Variants in IQANK1 observed in about 807,000 individuals in gnomAD.
The protein encoded by IQANK1 is IQ motif and ankyrin repeat domain-containing protein 1.
In IQANK1, 30 loss-of-function variants were observed where a neutral mutation model predicts 22.6. The ratio of observed to expected loss-of-function variants is 1.33; its 90% CI spans 0.99 to 1.80. The LOEUF is 1.80. Ranked by LOEUF, IQANK1 falls within the 40% of genes most tolerant of loss-of-function variation. IQANK1 has a pLI of 0.00. For missense variants in IQANK1, 275 were observed against 235.2 expected, an observed-to-expected ratio of 1.17 and a Z score of -1.11; for synonymous variants, 122 against 99.6, an observed-to-expected ratio of 1.23 and a Z score of -1.34.
At chr8:143,766,361 C>A (rs1363279008) in intron 3 of IQANK1, among the ~76,000 whole-genome samples, 1 of 152,098 alleles carries the variant, frequency 6.6e-6, no homozygotes, top group Non-Finnish European at 1.5e-5. Context: ...TCAATGGTGT[C>A]TTCTCGTGAA....
chr8:143,778,736 G>A (rs1299995910), intron 7 of IQANK1, among the ~76,000 whole-genome samples: 3 of 152,060 alleles, frequency 2.0e-5, no homozygotes, highest in Admixed American at 6.6e-5. Context: ...TTGCGCTTTC[G>A]CCAATTCATA....
intron 3 of IQANK1, among the ~76,000 whole-genome samples, chr8:143,764,884 A>AAT (rs1554629113): frequency 6.6e-6 from 1 of 152,172 alleles, no homozygotes; most frequent in East Asian, 1.9e-4. Flanking sequence ...GAACATATGT[A>AAT]ATATATATGT....
intron 3 of IQANK1, chr8:143,742,361 G>C (rs782041013): frequency 7.0e-5 from 32 of 455,684 alleles, no homozygotes; most frequent in Non-Finnish European, 1.2e-4. Flanking sequence ...TACAGCATGC[G>C]GGGGAGGTCA....
At chr8:143,770,660 C>T (rs1303895973) in intron 3 of IQANK1, among the ~76,000 whole-genome samples, 1 of 152,262 alleles carries the variant, frequency 6.6e-6, no homozygotes, top group Non-Finnish European at 1.5e-5. Context: ...CTGGCCTGCG[C>T]TCCCGTGGCT....
At chr8:143,752,998 T>A (rs1563771960) in intron 3 of IQANK1, among the ~76,000 whole-genome samples, 4 of 90,832 alleles carry the variant, frequency 4.4e-5, no homozygotes, top group African/African-American at 1.5e-4. Flanking sequence ...CTCTGTTCGT[T>A]TTTTTTTTTT....
chr8:143,774,652 A>AT lies in IQANK1; in HGVS notation c.789+2173dup, dbSNP rs1377563897. ...GTAACACAGCATCAGACTCCTAGAC[A>AT]TTTGCTCCAGTAAAAGGAAAACTAG... On this transcript the variant is annotated intron_variant, in intron 7 of 13. Coordinates refer to ENST00000527139, the MANE Select transcript of IQANK1 (RefSeq NM_001381874.1). The surrounding 1 kb of genome is among the most constrained non-coding windows in gnomAD (Gnocchi z 4.2). 7.2e-5 allele frequency among the ~76,000 whole-genome samples: 11 copies of AT among 152,114 alleles called. No individual in the cohort carries two copies. Among genetic ancestry groups the AT allele is most frequent in the Admixed American group, 5.9e-4 (9 of 15,268 alleles).
rs1819330077 is a variant in IQANK1, at chr8:143,758,357, G to A, written c.176-13131G>A. On this transcript the variant is annotated intron_variant, in intron 3 of 13. Transcript: ENST00000527139. This position sits in a 1 kb window ranked among gnomAD's most constrained non-coding sequence, Gnocchi z 4.2. ...CACATGCCTGTAGTCCTAGCTACTC[G>A]AAGGCTGACGCAGGAGAATCGCTTG... is the stretch of plus-strand genomic sequence containing the variant. The A allele has an allele frequency of 6.6e-6, 1 of 152,198 alleles. No homozygotes were observed. The highest frequency in any genetic ancestry group is 2.4e-5 in the African/African-American group (1 of 41,380). The allele number at this position is 152,198 out of a possible 1,614,324, so 9.4% of individuals were successfully genotyped here. A position where few individuals can be genotyped will look rare whatever the true frequency, so the allele number is the denominator to read the frequency against.
Position 143,782,768 on chromosome 8 carries a change from G to T in IQANK1, c.790-6147G>T, listed in dbSNP as rs182553818. Among the ~76,000 whole-genome samples, 28 of 152,340 alleles carry T rather than the reference G, an allele frequency of 1.8e-4. No homozygotes were observed. In the East Asian group the frequency reaches 5.2e-3, roughly 28 times the overall value. On this transcript the variant is annotated intron_variant, in intron 7 of 13. Transcript: ENST00000527139. Reference sequence around the variant, plus strand: ...TGGGATTACAGATATGAGCCACCGTGCCTGGCCTCTTGCTTTTCTTTATTC... The same window carrying T: ...TGGGATTACAGATATGAGCCACCGTTCCTGGCCTCTTGCTTTTCTTTATTC...
At chr8:143,788,102 G>A (rs1301433112) in intron 7 of IQANK1, among the ~76,000 whole-genome samples, 1 of 152,174 alleles carries the variant, frequency 6.6e-6, no homozygotes, top group African/African-American at 2.4e-5. Flanking sequence ...CTGTCATCCA[G>A]CTATTAGGGA....
chr8:143,736,545 C>T (rs1218217664), intron 2 of IQANK1, among the ~76,000 whole-genome samples: 1 of 152,056 alleles, frequency 6.6e-6, no homozygotes, highest in Non-Finnish European at 1.5e-5. Flanking sequence ...GGGCAGGAGC[C>T]AGTGGGAGGC....
At chr8:143,741,857 T>A in intron 3 of IQANK1, 1 of 159,290 alleles carries the variant, frequency 6.3e-6, no homozygotes, top group Non-Finnish European at 1.4e-5. Context: ...CTTATTGGCC[T>A]GCAGCCCTGC....
Position 143,790,161 on chromosome 8 carries a change from G to A in IQANK1, c.1314G>A (p.Leu438=). 8.1e-7 allele frequency: 1 copy of A among 1,232,078 alleles called. No individual in the cohort carries two copies. Among genetic ancestry groups the A allele is most frequent in the Non-Finnish European group, 1.0e-6 (1 of 988,002 alleles). The allele number at this position is 1,232,078 out of a possible 1,614,324, so 76.3% of individuals were successfully genotyped here. A position where few individuals can be genotyped will look rare whatever the true frequency, so the allele number is the denominator to read the frequency against. Residue 438 remains leucine (L), a synonymous_variant, in exon 13 of 14, where the codon TTG becomes TTA. Transcript: ENST00000527139. ...GGTGGCCTCTTGTTATTGACCCTTT[G>A]GGCCAGGCGGCCACCTTCCTGCGCT... ...DGRWPLVIDP[L]GQAATFLRYQ... is the part of the protein sequence containing the mutation.
chr8:143,735,682 C>T lies in IQANK1; in HGVS notation c.-4-168C>T, dbSNP rs922711023. 1.4e-4 allele frequency among the ~76,000 whole-genome samples: 22 copies of T among 152,084 alleles called. No individual in the cohort carries two copies. The highest frequency in any genetic ancestry group is 5.3e-4 in the African/African-American group (22 of 41,472). On this transcript the variant is annotated intron_variant, in intron 1 of 13. Coordinates refer to ENST00000527139, the MANE Select transcript of IQANK1 (RefSeq NM_001381874.1). The surrounding 1 kb of genome is among the most constrained non-coding windows in gnomAD (Gnocchi z 5.2). ...CGGCTCAAGCTTCTGGGCACACACC[C>T]GGGGCGGGCAGGCAGACAGGACACC...
chr8:143,768,590 C>T (rs990662346), intron 3 of IQANK1, among the ~76,000 whole-genome samples: 10 of 151,964 alleles, frequency 6.6e-5, no homozygotes, highest in Admixed American at 4.6e-4. Flanking sequence ...CCTGCCCCCT[C>T]CTACACCCAT....
At chr8:143,760,930 G>A (rs565432901) in intron 3 of IQANK1, among the ~76,000 whole-genome samples, 88 of 152,278 alleles carry the variant, frequency 5.8e-4, no homozygotes, top group African/African-American at 2.1e-3. Flanking sequence ...GCGGTGGCAT[G>A]GGGTCGACTT....
chr8:143,775,067 C>T (rs1325737294), intron 7 of IQANK1, among the ~76,000 whole-genome samples: 4 of 152,030 alleles, frequency 2.6e-5, no homozygotes, highest in African/African-American at 9.7e-5. Context: ...ATCTTGATTA[C>T]GATGGTCGTA....
At chr8:143,788,107 T>C (rs1158567422) in intron 7 of IQANK1, among the ~76,000 whole-genome samples, 1 of 152,150 alleles carries the variant, frequency 6.6e-6, no homozygotes, top group South Asian at 2.1e-4. Flanking sequence ...ATCCAGCTAT[T>C]AGGGAGCTGG....
intron 3 of IQANK1, among the ~76,000 whole-genome samples, chr8:143,741,155 G>C (rs1818903277): frequency 6.6e-6 from 1 of 152,186 alleles, no homozygotes; most frequent in Non-Finnish European, 1.5e-5. Flanking sequence ...TCAGTGTCAG[G>C]GAAAGGCAGG....
At chr8:143,754,119 G>GA (rs1819245138) in intron 3 of IQANK1, among the ~76,000 whole-genome samples, 2 of 152,018 alleles carry the variant, frequency 1.3e-5, no homozygotes, top group Non-Finnish European at 2.9e-5. Flanking sequence ...GAGAAAAAGA[G>GA]AAAAATCAAG....
Sources: gnomAD v4.1 joint callset for allele counts (sites outside exome capture counted in the v4.1 genomes callset) on GRCh38, gnomAD v4.1.1 for gene constraint, Gnocchi (gnomAD v3.1) non-coding constraint, MANE v1.5 for transcripts, NCBI Gene and HGNC (gene_info 2026-07-23, HGNC 2026-07-21) for gene names.